Variants in SLC15A5 observed in about 807,000 individuals in gnomAD.
SLC15A5 encodes solute carrier family 15 member 5.
In SLC15A5, 58 loss-of-function variants were observed where a neutral mutation model predicts 56.1. That is an observed-to-expected ratio of 1.03 (90% CI 0.84 to 1.29). The LOEUF is 1.29. SLC15A5 is among the 50% of genes most tolerant of loss of function. SLC15A5 has a pLI of 0.00. For missense variants in SLC15A5, 681 were observed against 672.1 expected (o/e 1.01, Z -0.15); for synonymous variants, 264 against 250.5 (o/e 1.05, Z -0.51).
chr12:16,244,534 C>A, intron 4 of SLC15A5, 46 bp downstream of exon 4: 1 of 1,487,598 alleles, frequency 6.7e-7, no homozygotes, highest in Non-Finnish European at 9.1e-7. Flanking sequence ...TGTTGACATG[C>A]AATCACTTTC....
chr12:16,255,573 A>T (rs1864563018), intron 3 of SLC15A5, among the ~76,000 whole-genome samples: 1 of 152,124 alleles, frequency 6.6e-6, no homozygotes. Flanking sequence ...CTTACTTTTG[A>T]TTTGGCAATA....
intron 7 of SLC15A5, among the ~76,000 whole-genome samples, chr12:16,200,889 T>C (rs1449937455): frequency 1.3e-5 from 2 of 152,102 alleles, no homozygotes; most frequent in South Asian, 2.1e-4. Context: ...GAAATAGAGA[T>C]GAGAACAGGA....
rs545331429 is a variant in SLC15A5, at chr12:16,201,037, G to A, written c.1484-6584C>T. On this transcript the variant is annotated intron_variant, in intron 7 of 8. Coordinates refer to ENST00000344941, the MANE Select transcript of SLC15A5 (RefSeq NM_001170798.1). ...AGGAGATAACAATGTTTAGTTACGC[G>A]TATGCTATTTTACAGTCAAAACTCT... is the stretch of plus-strand genomic sequence containing the variant. 5.3e-5 allele frequency among the ~76,000 whole-genome samples: 8 copies of A among 152,198 alleles called. No individual in the cohort carries two copies. In the East Asian group the frequency reaches 5.8e-4, roughly 11 times the overall value.
chr12:16,198,329 T>G (rs1405517), intron 7 of SLC15A5, among the ~76,000 whole-genome samples: 151,646 of 152,244 alleles, frequency 1, 75,529 homozygotes, highest in Middle Eastern at 1. Context: ...ACAGGCAAAG[T>G]GTAATTATTC....
rs148668373 is a variant in SLC15A5, at chr12:16,198,093, C to A, written c.1484-3640G>T. The stretch of plus-strand genomic sequence containing the variant: ...TGCCATTCGTAATGCCCACAGTGCA[C>A]CCTAGTTAATACTTTCATAATATAA... On this transcript the variant is annotated intron_variant, in intron 7 of 8. Transcript: ENST00000344941. 2.7e-3 allele frequency among the ~76,000 whole-genome samples: 416 copies of A among 152,182 alleles called. 4 individuals carry two copies. The highest frequency in any genetic ancestry group is 0.017 in the Middle Eastern group (5 of 294).
chr12:16,221,806 A>G lies in SLC15A5; in HGVS notation c.1351+2608T>C, dbSNP rs143549265. Among the ~76,000 whole-genome samples the G allele has an allele frequency of 3.2e-4, 48 of 152,228 alleles. No homozygotes were observed. In the East Asian group the frequency reaches 8.7e-3, roughly 28 times the overall value. On this transcript the variant is annotated intron_variant, in intron 6 of 8. Transcript: ENST00000344941. ...TGTACACCAGGAGAACAAAGGGGAT[A>G]GTGAGATGTGGCCAGATTTAAGTTA...
rs1375492521 is a variant in SLC15A5 at position 16,231,376 on chromosome 12, GA to G, written c.1163-6775del. Among the ~76,000 whole-genome samples, 3 of 151,932 alleles carry G rather than the reference GA, an allele frequency of 2.0e-5. No individual in the cohort carries two copies. The South Asian group carries it at 6.2e-4, about 32-fold the overall frequency. On this transcript the variant is annotated intron_variant, in intron 5 of 8. Transcript: ENST00000344941. ...GAGAAAACAATGGTGGACAAAAATT[GA>G]AAAAAATGTAGAAATTGGAAAGAGA...
At chr12:16,252,890 A>G (rs899324528) in intron 3 of SLC15A5, among the ~76,000 whole-genome samples, 1 of 152,310 alleles carries the variant, frequency 6.6e-6, no homozygotes, top group South Asian at 2.1e-4. Flanking sequence ...ATTTTAAAAC[A>G]TACTACAAAG....
chr12:16,209,158 C>T (rs1864053345), intron 7 of SLC15A5, among the ~76,000 whole-genome samples: 2 of 151,866 alleles, frequency 1.3e-5, no homozygotes, highest in Non-Finnish European at 2.9e-5. Context: ...CATTCTTCAT[C>T]CTACTTGATT....
At chr12:16,212,657 A>G (rs1473796422) in intron 7 of SLC15A5, among the ~76,000 whole-genome samples, 1 of 152,156 alleles carries the variant, frequency 6.6e-6, no homozygotes, top group Non-Finnish European at 1.5e-5. Context: ...TTAACTTGCA[A>G]TGAGGTCTAG....
rs1406414991 is a variant in SLC15A5, at chr12:16,243,330, C to T, written c.975+1250G>A. Among the ~76,000 whole-genome samples the T allele has an allele frequency of 6.6e-6, 1 of 151,806 alleles. No homozygotes were observed. The highest frequency in any genetic ancestry group is 1.9e-4 in the East Asian group (1 of 5,142). ...GGTTCAAGCGATTCTCCAGCCTCAGCCTCCCAAGCAGCTCGGATTACAGGC... is the reference window on the plus strand; with the variant it reads ...GGTTCAAGCGATTCTCCAGCCTCAGTCTCCCAAGCAGCTCGGATTACAGGC... On this transcript the variant is annotated intron_variant, in intron 4 of 8. Coordinates refer to ENST00000344941, the MANE Select transcript of SLC15A5 (RefSeq NM_001170798.1). The surrounding 1 kb of genome is among the most constrained non-coding windows in gnomAD (Gnocchi z 4.4).
At chr12:16,273,109 A>G (rs1864778417) in intron 1 of SLC15A5, among the ~76,000 whole-genome samples, 1 of 152,192 alleles carries the variant, frequency 6.6e-6, no homozygotes, top group South Asian at 2.1e-4. Flanking sequence ...ATAAAAAATG[A>G]AGCTGTTAGT....
At position 16,259,905 on chromosome 12, in the gene SLC15A5, G is replaced by GGT. The variant is rs996006244; in HGVS notation, c.585-2036_585-2035insAC. 2.7e-4 allele frequency among the ~76,000 whole-genome samples: 40 copies of GGT among 146,528 alleles called. 1 individual carries two copies. Among genetic ancestry groups the GGT allele is most frequent in the South Asian group, 6.3e-4 (3 of 4,760 alleles). ...ACCCAGCTGACACCACCCGGGCGGG[G>GGT]GGTAAGTTAGAGCACTTCCAGTTTC... is the stretch of plus-strand genomic sequence containing the variant. On this transcript the variant is annotated intron_variant, in intron 2 of 8. Coordinates refer to ENST00000344941, the MANE Select transcript of SLC15A5 (RefSeq NM_001170798.1).
chr12:16,251,977 T>A (rs1187294204), intron 3 of SLC15A5, among the ~76,000 whole-genome samples: 1 of 151,986 alleles, frequency 6.6e-6, no homozygotes, highest in East Asian at 1.9e-4. Flanking sequence ...ATACCTGGAA[T>A]TCAAAAATAG....
intron 3 of SLC15A5, 58 bp downstream of exon 3, chr12:16,257,643 A>G (rs775903795): frequency 6.9e-5 from 86 of 1,242,882 alleles, no homozygotes; most frequent in Admixed American, 2.7e-4. Context: ...AAGAGAAAGG[A>G]TATCTGTCAA....
At chr12:16,265,944 G>C (rs1041425504) in intron 2 of SLC15A5, among the ~76,000 whole-genome samples, 17 of 151,994 alleles carry the variant, frequency 1.1e-4, no homozygotes, top group African/African-American at 4.1e-4. Context: ...AAAATAAATG[G>C]AGATTAAATA....
rs1042269717 is a variant in SLC15A5 at position 16,196,363 on chromosome 12, T to C, written c.1484-1910A>G. On this transcript the variant is annotated intron_variant, in intron 7 of 8. Coordinates refer to ENST00000344941, the MANE Select transcript of SLC15A5 (RefSeq NM_001170798.1). This position sits in a 1 kb window ranked among gnomAD's most constrained non-coding sequence, Gnocchi z 4.0. ...ATTGGATATTGTGTAGCCTTTTTGA[T>C]GTGTATATGTGTGCTTTTGTGTGTG... 3.9e-5 allele frequency among the ~76,000 whole-genome samples: 6 copies of C among 152,042 alleles called. No individual in the cohort carries two copies. The highest frequency in any genetic ancestry group is 1.4e-4 in the African/African-American group (6 of 41,412).
chr12:16,256,871 T>A (rs376284016), intron 3 of SLC15A5, among the ~76,000 whole-genome samples: 24,849 of 124,554 alleles, frequency 0.2, 2,428 homozygotes, highest in Middle Eastern at 0.22. Context: ...AAAAAAAAAA[T>A]AATAATAATA....
chr12:16,192,786 C>T (rs922677019), intron 8 of SLC15A5, among the ~76,000 whole-genome samples: 3 of 152,074 alleles, frequency 2.0e-5, no homozygotes, highest in Non-Finnish European at 4.4e-5. Context: ...AAGAAGAGAG[C>T]ATATGGCTAG....
Sources: gnomAD v4.1 joint callset for allele counts (sites outside exome capture counted in the v4.1 genomes callset) on GRCh38, gnomAD v4.1.1 for gene constraint, Gnocchi (gnomAD v3.1) non-coding constraint, MANE v1.5 for transcripts, NCBI Gene and HGNC (gene_info 2026-07-23, HGNC 2026-07-21) for gene names.